The following INTS15 variants were observed in gnomAD, a reference collection of about 807,000 sequenced individuals.
INTS15 encodes uncharacterized protein C7orf26.
At chr7:6,604,574 A>G in the INTS15 span, among the ~76,000 whole-genome samples, 1 of 152,062 alleles carries the variant, frequency 6.6e-6, no homozygotes, top group Non-Finnish European at 1.5e-5. Context: ...AGCAGTGTGG[A>G]CAGAGGGTCA....
the INTS15 span, chr7:6,602,023 C>G: frequency 7.7e-7 from 1 of 1,298,754 alleles, no homozygotes; most frequent in Non-Finnish European, 1.1e-6. Context: ...TTGCTAGCAT[C>G]CTTGCAAAGA....
the INTS15 span, chr7:6,592,017 C>G: frequency 1.5e-6 from 1 of 645,388 alleles, no homozygotes; most frequent in African/African-American, 1.8e-5. Context: ...ACTAAAAATA[C>G]AAAATTAGCC....
the INTS15 span, among the ~76,000 whole-genome samples, chr7:6,593,267 C>A: frequency 6.6e-6 from 1 of 151,614 alleles, no homozygotes; most frequent in Non-Finnish European, 1.5e-5. Flanking sequence ...TAAGCGCGAT[C>A]ACGTCTCAGT....
the INTS15 span, chr7:6,590,623 A>T: frequency 7.2e-7 from 1 of 1,380,162 alleles, no homozygotes; most frequent in Non-Finnish European, 9.4e-7. Flanking sequence ...GCAGCCCCCA[A>T]ACCCTTCTCC....
At chr7:6,607,617 G>C in the INTS15 span, 4 of 1,424,170 alleles carry the variant, frequency 2.8e-6, no homozygotes, top group Non-Finnish European at 3.8e-6. This position sits in a 1 kb window ranked among gnomAD's most constrained non-coding sequence, Gnocchi z 6.0. Context: ...GGTCATTCTC[G>C]GCTCTGAGGA....
the INTS15 span, chr7:6,600,221 C>G: frequency 1.2e-6 from 2 of 1,614,228 alleles, no homozygotes; most frequent in Admixed American, 1.7e-5. Flanking sequence ...CATGGTCCCG[C>G]TGGTAGAGGA....
the INTS15 span, among the ~76,000 whole-genome samples, chr7:6,596,591 T>G: frequency 9.4e-5 from 14 of 149,642 alleles, no homozygotes; most frequent in African/African-American, 3.2e-4. Context: ...GTTGGCCAGG[T>G]TGGTCTTGAA....
the INTS15 span, among the ~76,000 whole-genome samples, chr7:6,594,852 C>G: frequency 6.6e-6 from 1 of 150,542 alleles, no homozygotes; most frequent in Non-Finnish European, 1.5e-5. Context: ...TCCCGAGTAG[C>G]TAGGACTATA....
chr7:6,598,622 C>T, the INTS15 span, among the ~76,000 whole-genome samples: 3 of 152,170 alleles, frequency 2.0e-5, no homozygotes, highest in East Asian at 3.9e-4. Context: ...GGGCTGAGGA[C>T]GCCCTCCTGT....
the INTS15 span, chr7:6,594,476 T>C: frequency 1.2e-6 from 2 of 1,614,128 alleles, no homozygotes; most frequent in South Asian, 1.1e-5. Flanking sequence ...CCAAGGCCCT[T>C]GTAGATGACT....
At chr7:6,604,481 G>A in the INTS15 span, among the ~76,000 whole-genome samples, 1 of 152,134 alleles carries the variant, frequency 6.6e-6, no homozygotes, top group East Asian at 1.9e-4. Context: ...AGTGAGCTTG[G>A]TGGGGTTAGT....
chr7:6,592,178 A>T, the INTS15 span, among the ~76,000 whole-genome samples: 1 of 151,676 alleles, frequency 6.6e-6, no homozygotes, highest in African/African-American at 2.4e-5. Flanking sequence ...CTCAAAAAAA[A>T]AAGAGTCTCC....
At chr7:6,590,200 C>G in the INTS15 span, 3 of 1,273,722 alleles carry the variant, frequency 2.4e-6, no homozygotes, top group South Asian at 1.8e-5. Flanking sequence ...GGTCGCGCCT[C>G]TTTGTTTCCA....
At chr7:6,594,182 A>G in the INTS15 span, among the ~76,000 whole-genome samples, 1 of 147,488 alleles carries the variant, frequency 6.8e-6, no homozygotes, top group Non-Finnish European at 1.5e-5. Context: ...TTAATTTTGT[A>G]TTTTTAGTAG....
chr7:6,600,259 C>G, the INTS15 span: 1 of 1,614,190 alleles, frequency 6.2e-7, no homozygotes, highest in South Asian at 1.1e-5. Context: ...ATGAACTGAA[C>G]CCCCTCAACG....
the INTS15 span, chr7:6,591,713 A>C: frequency 1.2e-6 from 2 of 1,614,196 alleles, no homozygotes; most frequent in Non-Finnish European, 1.7e-6. Flanking sequence ...GAGCAAACCA[A>C]GGACTCTGTT....
the INTS15 span, chr7:6,608,304 C>T: frequency 2.1e-6 from 3 of 1,439,564 alleles, no homozygotes; most frequent in Non-Finnish European, 2.7e-6. Context: ...GTCACGGAGT[C>T]CAGGTGCTTC....
the INTS15 span, chr7:6,600,354 G>A: frequency 6.2e-7 from 1 of 1,608,694 alleles, no homozygotes; most frequent in Non-Finnish European, 8.5e-7. Context: ...CTGTGCACGA[G>A]AGGTGGGTGC....
At chr7:6,594,830 C>G in the INTS15 span, among the ~76,000 whole-genome samples, 1 of 152,176 alleles carries the variant, frequency 6.6e-6, no homozygotes. Context: ...AAGCAGTTCT[C>G]CTGCCTCAGC....
Sources: gnomAD v4.1 joint callset for allele counts (sites outside exome capture counted in the v4.1 genomes callset) on GRCh38, gnomAD v4.1.1 for gene constraint, Gnocchi (gnomAD v3.1) non-coding constraint, MANE v1.5 for transcripts, NCBI Gene and HGNC (gene_info 2026-07-23, HGNC 2026-07-21) for gene names.